Variants in LRCH1 observed in about 807,000 individuals in gnomAD.
LRCH1 encodes leucine rich repeats and calponin homology domain containing 1, also known as leucine-rich repeat and calponin homology domain-containing protein 1.
Under a neutral mutation model 94.9 loss-of-function variants are expected in LRCH1, and 23 were observed. The ratio of observed to expected loss-of-function variants is 0.24; its 90% CI spans 0.17 to 0.34. LRCH1 has a LOEUF of 0.34. LRCH1 is among the 10% of genes least tolerant of loss of function. The pLI, the probability that LRCH1 is intolerant of heterozygous loss-of-function variation, is 1.00. For synonymous variants in LRCH1, 364 were observed against 354.9 expected (o/e 1.03, Z -0.29); for missense variants, 790 against 945.9 (o/e 0.84, Z 2.16).
intron 13 of LRCH1, chr13:46,705,738 C>T (rs775273570): frequency 5.2e-5 from 17 of 324,708 alleles, no homozygotes; most frequent in Non-Finnish European, 9.5e-5. Context: ...TTGGGAATGT[C>T]GAGGAGGATT....
At chr13:46,727,747 A>G (rs1872893232) in intron 17 of LRCH1, among the ~76,000 whole-genome samples, 2 of 152,172 alleles carry the variant, frequency 1.3e-5, no homozygotes, top group South Asian at 4.1e-4. Flanking sequence ...AGTTGTTACC[A>G]TTGAAGGAAA....
chr13:46,624,767 C>T (rs566784903), intron 1 of LRCH1, among the ~76,000 whole-genome samples: 1 of 152,342 alleles, frequency 6.6e-6, no homozygotes, highest in South Asian at 2.1e-4. Context: ...ACGATATTAA[C>T]ACCTTGAGAA....
chr13:46,730,264 T>G (rs1488254780), intron 18 of LRCH1, among the ~76,000 whole-genome samples: 1 of 152,218 alleles, frequency 6.6e-6, no homozygotes, highest in Non-Finnish European at 1.5e-5. Flanking sequence ...TTCTCTATAA[T>G]GGAAATGTTC....
intron 17 of LRCH1, among the ~76,000 whole-genome samples, chr13:46,728,144 C>T (rs1479938273): frequency 6.6e-6 from 1 of 152,078 alleles, no homozygotes; most frequent in Admixed American, 6.5e-5. Context: ...TCTCAAACTC[C>T]TGAGCTCAGG....
intron 18 of LRCH1, among the ~76,000 whole-genome samples, chr13:46,731,992 G>A (rs947385523): frequency 6.6e-6 from 1 of 152,172 alleles, no homozygotes; most frequent in Non-Finnish European, 1.5e-5. Context: ...CCTTCCTTTA[G>A]GTTGCTAATA....
intron 1 of LRCH1, among the ~76,000 whole-genome samples, chr13:46,622,488 C>A (rs774214340): frequency 6.6e-5 from 10 of 152,196 alleles, no homozygotes; most frequent in Non-Finnish European, 1.5e-4. Context: ...TCTCTAGAAG[C>A]AGGCATTAAC....
intron 3 of LRCH1, among the ~76,000 whole-genome samples, chr13:46,676,466 CAGAA>C (rs750621158): frequency 3.9e-5 from 6 of 152,058 alleles, no homozygotes; most frequent in Non-Finnish European, 7.4e-5. Flanking sequence ...GATAGAGACA[CAGAA>C]AGGGTAAGAC....
chr13:46,582,753 G>A (rs1460564762), intron 1 of LRCH1, among the ~76,000 whole-genome samples: 5 of 146,876 alleles, frequency 3.4e-5, no homozygotes, highest in East Asian at 2.0e-4. Context: ...TGCTTGCCTC[G>A]GCCTCCCAGA....
intron 11 of LRCH1, among the ~76,000 whole-genome samples, chr13:46,702,228 G>C (rs562638520): frequency 6.6e-6 from 1 of 152,068 alleles, no homozygotes; most frequent in East Asian, 1.9e-4. Flanking sequence ...TGGGCCAGGC[G>C]CGGTGGCTCA....
Position 46,728,951 on chromosome 13 carries a change from G to C in LRCH1, c.1974G>C (p.Ser658=). ...TGGTCAACCACATCCGCCCACGGTC[G>C]GTTGCAAGCATCCATGTCCCATCAC... ...CHLVNHIRPR[S]VASIHVPSPA... Residue 658 remains serine (S), a synonymous_variant, in exon 18 of 20, where the codon TCG becomes TCC. Transcript: ENST00000389797. 2.5e-6 allele frequency: 4 copies of C among 1,613,234 alleles called. No individual in the cohort carries two copies. Among genetic ancestry groups the C allele is most frequent in the South Asian group, 1.1e-5 (1 of 90,790 alleles).
At chr13:46,629,220 CTG>C (rs1332944509) in intron 1 of LRCH1, among the ~76,000 whole-genome samples, 1 of 152,154 alleles carries the variant, frequency 6.6e-6, no homozygotes, top group Non-Finnish European at 1.5e-5. Flanking sequence ...ATAGAGGCCT[CTG>C]TGGGGGAAAA....
chr13:46,588,745 C>T (rs187189687), intron 1 of LRCH1, among the ~76,000 whole-genome samples: 50 of 151,398 alleles, frequency 3.3e-4, no homozygotes, highest in African/African-American at 8.5e-4. Context: ...GGATTACAGG[C>T]GCCCGCCACT....
At chr13:46,663,815 G>A (rs1457672202) in intron 2 of LRCH1, among the ~76,000 whole-genome samples, 1 of 152,178 alleles carries the variant, frequency 6.6e-6, no homozygotes, top group African/African-American at 2.4e-5. Context: ...TATCCACGCT[G>A]TGAAACCTGC....
intron 1 of LRCH1, among the ~76,000 whole-genome samples, chr13:46,621,048 T>G (rs1015787965): frequency 6.6e-6 from 1 of 152,232 alleles, no homozygotes; most frequent in Non-Finnish European, 1.5e-5. Flanking sequence ...GCTTTTCATG[T>G]TTTATGCCTC....
At chr13:46,644,080 G>A (rs969368051) in intron 1 of LRCH1, among the ~76,000 whole-genome samples, 6 of 152,198 alleles carry the variant, frequency 3.9e-5, no homozygotes, top group African/African-American at 1.4e-4. Flanking sequence ...GAGTGGTCTT[G>A]TGTGGGGAGC....
chr13:46,735,900 G>A (rs867392292), intron 19 of LRCH1, among the ~76,000 whole-genome samples: 13 of 148,270 alleles, frequency 8.8e-5, no homozygotes, highest in South Asian at 8.7e-4. Context: ...GGGTTCAAGC[G>A]ATTCTCTTGC....
chr13:46,584,927 T>C (rs188912456), intron 1 of LRCH1, among the ~76,000 whole-genome samples: 1 of 151,142 alleles, frequency 6.6e-6, no homozygotes, highest in Non-Finnish European at 1.5e-5. Flanking sequence ...GATGGAGAAA[T>C]GTATTTTGGT....
intron 2 of LRCH1, among the ~76,000 whole-genome samples, chr13:46,653,545 C>T (rs1244103379): frequency 6.6e-6 from 1 of 152,078 alleles, no homozygotes; most frequent in Non-Finnish European, 1.5e-5. Flanking sequence ...AAATAGTAGG[C>T]TGGGCTTGGT....
chr13:46,559,070 A>C (rs1009798998), intron 1 of LRCH1, among the ~76,000 whole-genome samples: 3 of 152,214 alleles, frequency 2.0e-5, no homozygotes, highest in African/African-American at 4.8e-5. Flanking sequence ...AAAGCAATGG[A>C]GTCCTTGGGA....
Sources: gnomAD v4.1 joint callset for allele counts (sites outside exome capture counted in the v4.1 genomes callset) on GRCh38, gnomAD v4.1.1 for gene constraint, MANE v1.5 for transcripts, NCBI Gene and HGNC (gene_info 2026-07-23, HGNC 2026-07-21) for gene names.